The following CADM2 variants were observed in gnomAD, a reference collection of about 807,000 sequenced individuals.
CADM2 encodes immunoglobulin superfamily member 4D.
CADM2 carries 12 observed loss-of-function variants against 49.8 expected under a neutral mutation model. That is an observed-to-expected ratio of 0.24 (90% confidence interval 0.15 to 0.39). The LOEUF (loss-of-function observed/expected upper bound fraction) is 0.39, where lower values mean the gene tolerates loss of function less well. CADM2 is among the 10% of genes least tolerant of loss of function. CADM2 has a pLI of 1.00. For synonymous variants in CADM2, 214 were observed against 175.4 expected (o/e 1.22, Z -1.74); for missense variants, 378 against 492.3 (o/e 0.77, Z 2.20).
intron 1 of CADM2, among the ~76,000 whole-genome samples, chr3:84,968,810 TTG>T (rs2031203234): frequency 6.6e-6 from 1 of 152,074 alleles, no homozygotes. Context: ...TGGTGGGATC[TTG>T]AAGTTTTGCT....
chr3:85,114,155 A>T (rs1189203432), intron 1 of CADM2, among the ~76,000 whole-genome samples: 2 of 152,020 alleles, frequency 1.3e-5, no homozygotes, highest in African/African-American at 2.4e-5. Flanking sequence ...TTCCTCTGCA[A>T]TTAGGGTTGC....
At chr3:85,982,582 G>A (rs1374233886) in intron 8 of CADM2, among the ~76,000 whole-genome samples, 1 of 151,680 alleles carries the variant, frequency 6.6e-6, no homozygotes, top group Non-Finnish European at 1.5e-5. Flanking sequence ...TAAGTCACCA[G>A]ACTCACCTGC....
At chr3:85,022,538 C>G (rs771167048) in intron 1 of CADM2, among the ~76,000 whole-genome samples, 1 of 152,198 alleles carries the variant, frequency 6.6e-6, no homozygotes, top group African/African-American at 2.4e-5. Flanking sequence ...TCACCTCTTA[C>G]TAGCTCCATG....
chr3:85,873,495 G>A (rs189598844), intron 3 of CADM2, among the ~76,000 whole-genome samples: 1 of 151,878 alleles, frequency 6.6e-6, no homozygotes, highest in African/African-American at 2.4e-5. Context: ...GTGAAACTTC[G>A]TCTCTACTAA....
At chr3:85,971,905 G>C (rs553494560) in intron 8 of CADM2, among the ~76,000 whole-genome samples, 6 of 151,586 alleles carry the variant, frequency 4.0e-5, no homozygotes, top group Non-Finnish European at 7.4e-5. Context: ...CATATTTTAA[G>C]AACAGCTTTT....
intron 1 of CADM2, among the ~76,000 whole-genome samples, chr3:85,701,522 C>G (rs932121982): frequency 2.0e-5 from 3 of 151,960 alleles, no homozygotes; most frequent in Admixed American, 1.3e-4. Flanking sequence ...TACCTTTGTC[C>G]TGTCTGTCTA....
intron 8 of CADM2, among the ~76,000 whole-genome samples, chr3:85,981,988 T>C (rs1331444078): frequency 6.6e-6 from 1 of 151,688 alleles, no homozygotes; most frequent in African/African-American, 2.4e-5. Context: ...ATGCAAGCAT[T>C]CCATTTCTCT....
chr3:85,334,565 GT>G (rs1012450290), intron 1 of CADM2, among the ~76,000 whole-genome samples: 3 of 151,482 alleles, frequency 2.0e-5, no homozygotes, highest in Non-Finnish European at 3.0e-5. Flanking sequence ...ATATTAATGG[GT>G]AATCAACTTG....
intron 1 of CADM2, among the ~76,000 whole-genome samples, chr3:85,258,111 A>G (rs186889956): frequency 1.7e-4 from 26 of 152,194 alleles, no homozygotes; most frequent in African/African-American, 4.8e-4. Flanking sequence ...CCCAAAGGTC[A>G]CTGGCCCTTG....
intron 1 of CADM2, among the ~76,000 whole-genome samples, chr3:85,367,826 CAT>C (rs1272288985): frequency 4.6e-4 from 28 of 61,044 alleles, no homozygotes; most frequent in South Asian, 7.9e-4. Context: ...TATATATATA[CAT>C]ATATATGTGT....
chr3:85,906,068 A>G (rs1412390775), intron 5 of CADM2, among the ~76,000 whole-genome samples: 1 of 152,202 alleles, frequency 6.6e-6, no homozygotes, highest in Non-Finnish European at 1.5e-5. Context: ...GCCTGCTGCT[A>G]CAGAAGTTGC....
intron 1 of CADM2, among the ~76,000 whole-genome samples, chr3:85,237,547 T>G (rs2042434694): frequency 6.6e-6 from 1 of 151,240 alleles, no homozygotes; most frequent in African/African-American, 2.4e-5. Context: ...ACTTAGAATA[T>G]ATAAATACAT....
At chr3:85,743,098 G>A (rs1383631401) in intron 2 of CADM2, among the ~76,000 whole-genome samples, 4 of 152,046 alleles carry the variant, frequency 2.6e-5, no homozygotes, top group Non-Finnish European at 4.4e-5. Flanking sequence ...CCTGTTCCCA[G>A]TGGTTTCCCA....
intron 8 of CADM2, among the ~76,000 whole-genome samples, chr3:86,059,089 A>G (rs1297381367): frequency 9.3e-6 from 1 of 107,282 alleles, no homozygotes; most frequent in Non-Finnish European, 1.9e-5. Context: ...GCGAGACTCC[A>G]TCTTACAAAA....
chr3:85,801,586 T>G (rs2072039859), intron 2 of CADM2, among the ~76,000 whole-genome samples: 1 of 152,122 alleles, frequency 6.6e-6, no homozygotes, highest in African/African-American at 2.4e-5. Flanking sequence ...GAATCTAAAG[T>G]TTGAGTATCC....
chr3:85,908,903 T>G (rs906906596), intron 5 of CADM2, among the ~76,000 whole-genome samples: 1 of 151,980 alleles, frequency 6.6e-6, no homozygotes, highest in Non-Finnish European at 1.5e-5. Flanking sequence ...TTTTTGTATT[T>G]TTAGTAGAGA....
rs568110456 is a variant in CADM2, at chr3:85,255,208, A to G, written c.61+295540A>G. On this transcript the variant is annotated intron_variant, in intron 1 of 9. Transcript: ENST00000383699. ...GATTCCGTACACTCCTTTATTTCCC[A>G]TATATAGTGTATTTAGCATGGCATT... 2.0e-5 allele frequency among the ~76,000 whole-genome samples: 3 copies of G among 152,148 alleles called. No homozygotes were observed. The South Asian group carries it at 6.2e-4, about 32-fold the overall frequency.
At chr3:85,910,466 T>A (rs997820143) in intron 5 of CADM2, among the ~76,000 whole-genome samples, 1 of 152,094 alleles carries the variant, frequency 6.6e-6, no homozygotes, top group Non-Finnish European at 1.5e-5. Context: ...TGTGACATAT[T>A]TTTTCTGAAA....
intron 2 of CADM2, among the ~76,000 whole-genome samples, chr3:85,778,324 A>T (rs1363412747): frequency 6.6e-6 from 1 of 152,150 alleles, no homozygotes; most frequent in East Asian, 1.9e-4. Context: ...TGCTCATTTT[A>T]AAAAATTATT....
Sources: gnomAD v4.1 joint callset for allele counts (sites outside exome capture counted in the v4.1 genomes callset) on GRCh38, gnomAD v4.1.1 for gene constraint, MANE v1.5 for transcripts, NCBI Gene and HGNC (gene_info 2026-07-23, HGNC 2026-07-21) for gene names.